Variants in SASH1 observed in about 807,000 individuals in gnomAD.
The protein encoded by SASH1 is SAM and SH3 domain containing 1.
Under a neutral mutation model 125.2 loss-of-function variants are expected in SASH1, and 44 were observed. That is an observed-to-expected ratio of 0.35 (90% CI 0.28 to 0.45). The LOEUF (loss-of-function observed/expected upper bound fraction) is 0.45, where lower values mean the gene tolerates loss of function less well. SASH1 is among the 20% of genes least tolerant of loss of function. The pLI, the probability that SASH1 is intolerant of heterozygous loss-of-function variation, is 1.00. For synonymous variants in SASH1, 639 were observed against 649.1 expected (o/e 0.98, Z 0.24); for missense variants, 1,426 against 1,614.5 (o/e 0.88, Z 2.00).
intron 11 of SASH1, among the ~76,000 whole-genome samples, chr6:148,525,876 T>A (rs1196462445): frequency 2.0e-5 from 3 of 151,952 alleles, no homozygotes; most frequent in Admixed American, 2.0e-4. Flanking sequence ...ATGAACCCAG[T>A]CTCTGTGGGA....
intron 8 of SASH1, among the ~76,000 whole-genome samples, chr6:148,504,961 G>T (rs1413407624): frequency 6.6e-6 from 1 of 152,130 alleles, no homozygotes; most frequent in African/African-American, 2.4e-5. Context: ...CCGCTCAGGG[G>T]AAGTACTGGG....
At chr6:148,390,538 G>C (rs908561895) in intron 2 of SASH1, among the ~76,000 whole-genome samples, 6 of 152,208 alleles carry the variant, frequency 3.9e-5, no homozygotes, top group Non-Finnish European at 7.3e-5. Flanking sequence ...TGTAATCCCA[G>C]CACTTTGAGA....
chr6:148,237,429 G>A, the SASH1 span, among the ~76,000 whole-genome samples: 2 of 152,094 alleles, frequency 1.3e-5, no homozygotes, highest in Non-Finnish European at 2.9e-5. Flanking sequence ...CATCCTATAA[G>A]TTTTGCCTAT....
At chr6:148,204,920 A>G in the SASH1 span, among the ~76,000 whole-genome samples, 2 of 152,180 alleles carry the variant, frequency 1.3e-5, no homozygotes, top group Non-Finnish European at 2.9e-5. Flanking sequence ...GTGTTTTCAC[A>G]TATGTTTTTA....
intron 2 of SASH1, among the ~76,000 whole-genome samples, chr6:148,426,725 A>G (rs1775840157): frequency 6.6e-6 from 1 of 152,156 alleles, no homozygotes; most frequent in Non-Finnish European, 1.5e-5. Flanking sequence ...GAATGATTAG[A>G]TGAAAGAGGA....
At chr6:148,503,580 C>G (rs1325616094) in intron 8 of SASH1, among the ~76,000 whole-genome samples, 1 of 152,044 alleles carries the variant, frequency 6.6e-6, no homozygotes, top group Non-Finnish European at 1.5e-5. Context: ...ACACCAGGGG[C>G]CTGGGGTTTC....
rs1333858638 is a variant in SASH1 at position 148,533,248 on chromosome 6, A to C, written c.1734+282A>C. ...CCTGTTGCACACCCTCCCTCTCCCCACCTGGCTCCTGCTCCACACACCTGG... is the reference window on the plus strand; with the variant it reads ...CCTGTTGCACACCCTCCCTCTCCCCCCCTGGCTCCTGCTCCACACACCTGG... On this transcript the variant is annotated intron_variant, in intron 14 of 19. Coordinates refer to ENST00000367467, the MANE Select transcript of SASH1 (RefSeq NM_015278.5). The surrounding 1 kb of genome is among the most constrained non-coding windows in gnomAD (Gnocchi z 6.2). Among the ~76,000 whole-genome samples, 1 of 151,964 alleles carries C rather than the reference A, an allele frequency of 6.6e-6. No individual in the cohort carries two copies. The highest frequency in any genetic ancestry group is 1.5e-5 in the Non-Finnish European group (1 of 67,978).
chr6:148,371,711 A>T (rs1320776267), intron 1 of SASH1, among the ~76,000 whole-genome samples: 1 of 152,128 alleles, frequency 6.6e-6, no homozygotes, highest in Non-Finnish European at 1.5e-5. Context: ...GTCCTAAATA[A>T]GGAAAGGCAG....
At chr6:148,423,155 T>G (rs1775647120) in intron 2 of SASH1, among the ~76,000 whole-genome samples, 1 of 152,200 alleles carries the variant, frequency 6.6e-6, no homozygotes, top group Admixed American at 6.5e-5. Flanking sequence ...GCCAGGATGG[T>G]CTCCATCTCT....
the SASH1 span, among the ~76,000 whole-genome samples, chr6:148,249,748 G>C: frequency 6.6e-6 from 1 of 152,154 alleles, no homozygotes; most frequent in Non-Finnish European, 1.5e-5. Flanking sequence ...CCTCACAAGA[G>C]CCATGTGAGA....
chr6:148,322,769 A>T (rs1309500320), intron 1 of SASH1, among the ~76,000 whole-genome samples: 1 of 151,538 alleles, frequency 6.6e-6, no homozygotes. Flanking sequence ...ATTTTTCTTC[A>T]TTCTTTTGAC....
chr6:148,483,916 T>A (rs1436388872), intron 7 of SASH1, among the ~76,000 whole-genome samples: 13 of 152,156 alleles, frequency 8.5e-5, no homozygotes, highest in Admixed American at 8.5e-4. Context: ...AGGAGGTTTT[T>A]AAAAAATTGA....
At chr6:148,481,386 C>T (rs1191360348) in intron 7 of SASH1, among the ~76,000 whole-genome samples, 1 of 152,082 alleles carries the variant, frequency 6.6e-6, no homozygotes, top group Non-Finnish European at 1.5e-5. Flanking sequence ...TAGCACTTTT[C>T]GTTTCCTTTG....
chr6:148,457,494 G>A (rs948183692), intron 4 of SASH1, among the ~76,000 whole-genome samples: 8 of 152,130 alleles, frequency 5.3e-5, no homozygotes, highest in African/African-American at 1.2e-4. Flanking sequence ...GACTAATTGC[G>A]TGACCTTGGA....
chr6:148,471,059 G>T (rs1778084126), intron 5 of SASH1, among the ~76,000 whole-genome samples: 1 of 151,962 alleles, frequency 6.6e-6, no homozygotes, highest in African/African-American at 2.4e-5. Flanking sequence ...TGAAATAATT[G>T]TGGCTAAGAC....
chr6:148,311,130 G>A (rs537922809), intron 1 of SASH1, among the ~76,000 whole-genome samples: 20 of 148,258 alleles, frequency 1.3e-4, no homozygotes, highest in Middle Eastern at 3.5e-3. Flanking sequence ...CCCCCAAGAC[G>A]GAGTGTCACT....
Position 148,358,727 on chromosome 6 carries a change from G to GGTTTTTTTTTTTTTTTTTTTTTTTTT in SASH1, c.156+15504_156+15505insGTTTTTTTTTTTTTTTTTTTTTTTTT, listed in dbSNP as rs1239319632. On this transcript the variant is annotated intron_variant, in intron 1 of 19. Coordinates refer to ENST00000367467, the MANE Select transcript of SASH1 (RefSeq NM_015278.5). Reference sequence around the variant, plus strand: ...TTGGTTTCCTGTTTCCTAATGCCATGTTTTTGTTTTTTTTTTTTTTTTTTT... The same window carrying GGTTTTTTTTTTTTTTTTTTTTTTTTT: ...TTGGTTTCCTGTTTCCTAATGCCATGGTTTTTTTTTTTTTTTTTTTTTTTTTTTTTTGTTTTTTTTTTTTTTTTTTT... Among the ~76,000 whole-genome samples the GGTTTTTTTTTTTTTTTTTTTTTTTTT allele has an allele frequency of 3.0e-5, 3 of 98,788 alleles. 1 individual carries two copies. Among genetic ancestry groups the GGTTTTTTTTTTTTTTTTTTTTTTTTT allele is most frequent in the Non-Finnish European group, 2.2e-5 (1 of 45,336 alleles). The allele number at this position is 98,788 out of a possible 152,430, so 64.8% of individuals were successfully genotyped here.
intron 2 of SASH1, among the ~76,000 whole-genome samples, chr6:148,438,239 A>G (rs1479728373): frequency 1.3e-5 from 2 of 152,342 alleles, no homozygotes; most frequent in African/African-American, 2.4e-5. Context: ...GGATTAAAAA[A>G]TTGCTAATTA....
intron 2 of SASH1, among the ~76,000 whole-genome samples, chr6:148,431,826 C>T (rs909981): frequency 0.43 from 65,679 of 151,572 alleles, 14,453 homozygotes; most frequent in South Asian, 0.66. Flanking sequence ...AAAATAAAGA[C>T]GTGATGGTAT....
Sources: allele counts gnomAD v4.1 joint callset (sites outside exome capture counted in the v4.1 genomes callset), GRCh38; gene constraint gnomAD v4.1.1; non-coding constraint Gnocchi (gnomAD v3.1); transcripts MANE v1.5; gene names NCBI Gene and HGNC (gene_info 2026-07-23, HGNC 2026-07-21).